USP34: variants seen among roughly 807,000 people sequenced by gnomAD.
USP34 encodes ubiquitin specific peptidase 34.
A neutral mutation model predicts 460.3 loss-of-function variants in USP34; 70 were observed. The ratio of observed to expected loss-of-function variants is 0.15; its 90% CI spans 0.13 to 0.19. The LOEUF is 0.19. Ranked by LOEUF, USP34 falls within the 10% of genes least tolerant of loss-of-function variation. The pLI is 1.00. For missense variants in USP34, 3,985 were observed against 4,236.2 expected (o/e 0.94, Z 1.65); for synonymous variants, 1,647 against 1,405.3 (o/e 1.17, Z -3.85).
At chr2:61,231,373 C>T (rs1215392481) in intron 58 of USP34, among the ~76,000 whole-genome samples, 3 of 151,920 alleles carry the variant, frequency 2.0e-5, no homozygotes, top group Non-Finnish European at 4.4e-5. Flanking sequence ...CTAAAAACCA[C>T]TAAATTTTAC....
rs372264590 is a variant in USP34, at chr2:61,283,199, A to G, written c.4944T>C (p.Ala1648=). The change falls in exon 37 of 80, where the codon GCT becomes GCC. Residue 1648 remains alanine, a synonymous_variant. Coordinates refer to ENST00000398571, the MANE Select transcript of USP34 (RefSeq NM_014709.4). ...HCCSLVKSSL[A]DSDHLQDWLK... is the part of the protein sequence containing the mutation. Reference sequence around the variant, plus strand: ...GCCAATCTTGTAAATGATCGCTATCAGCAAGGCTAGATTTCACTAAAGAAC... The same window carrying G: ...GCCAATCTTGTAAATGATCGCTATCGGCAAGGCTAGATTTCACTAAAGAAC... 5.2e-4 allele frequency: 836 copies of G among 1,613,734 alleles called. 10 individuals are homozygous for G. In the South Asian group the frequency reaches 8.2e-3, roughly 16 times the overall value.
chr2:61,374,988 C>T (rs1692747817), intron 8 of USP34, among the ~76,000 whole-genome samples: 1 of 152,142 alleles, frequency 6.6e-6, no homozygotes, highest in African/African-American at 2.4e-5. Flanking sequence ...CCACAGAATA[C>T]CCCATACGAC....
chr2:61,259,670 G>C, intron 44 of USP34, 41 bp downstream of exon 44: 1 of 1,585,988 alleles, frequency 6.3e-7, no homozygotes, highest in Non-Finnish European at 8.6e-7. Context: ...ACAGGCATGA[G>C]CCACAGTGCC....
rs1181707189 is a variant in USP34 at position 61,203,012 on chromosome 2, AT to A, written c.9508+127del. Reference sequence around the variant, plus strand: ...TGAAAATTAAAATGTTCCCAAGAATATTAATATTTTTAAGCATTCACTTTAA... The same window carrying A: ...TGAAAATTAAAATGTTCCCAAGAATATAATATTTTTAAGCATTCACTTTAA... On this transcript the variant is annotated intron_variant, in intron 75 of 79. Transcript: ENST00000398571. The A allele has an allele frequency of 9.9e-6, 10 of 1,009,208 alleles. No homozygotes were observed. The Admixed American group carries it at 1.5e-4, about 15-fold the overall frequency. The allele number at this position is 1,009,208 out of a possible 1,614,324, so 62.5% of individuals were successfully genotyped here. A position where few individuals can be genotyped will look rare whatever the true frequency, so the allele number is the denominator to read the frequency against.
intron 7 of USP34, 76 bp from the exon 8 acceptor site, chr2:61,378,500 G>C: frequency 1.1e-6 from 1 of 899,714 alleles, no homozygotes; most frequent in Non-Finnish European, 1.7e-6. Flanking sequence ...TACTAACATG[G>C]TAAACTGATT....
chr2:61,199,033 T>C (rs993063454), intron 75 of USP34, among the ~76,000 whole-genome samples: 1 of 152,248 alleles, frequency 6.6e-6, no homozygotes, highest in Admixed American at 6.5e-5. Context: ...GTTGGCTGTT[T>C]ATCTGTTAAG....
rs899889693 is a variant in USP34, at chr2:61,442,289, G to C, written c.44-21456C>G. The stretch of plus-strand genomic sequence containing the variant: ...AACTACAAAACTTCTGTATAGCAAA[G>C]GCAAAAATCAACAGAGTAAAAAAAG... On this transcript the variant is annotated intron_variant, in intron 1 of 79. Coordinates refer to ENST00000398571, the MANE Select transcript of USP34 (RefSeq NM_014709.4). Among the ~76,000 whole-genome samples, 4 of 151,484 alleles carry C rather than the reference G, an allele frequency of 2.6e-5. No individual in the cohort carries two copies. The South Asian group carries it at 6.2e-4, about 24-fold the overall frequency.
intron 54 of USP34, 44 bp downstream of exon 54, chr2:61,236,281 T>C: frequency 6.3e-7 from 1 of 1,593,300 alleles, no homozygotes; most frequent in Non-Finnish European, 8.5e-7. Flanking sequence ...GTAAGATTTT[T>C]TTAAAATGTG....
intron 41 of USP34, among the ~76,000 whole-genome samples, chr2:61,276,604 A>G (rs1689379959): frequency 6.6e-6 from 1 of 152,158 alleles, no homozygotes; most frequent in South Asian, 2.1e-4. Context: ...TTTTCTTAAC[A>G]ATGACTTTTG....
chr2:61,311,485 A>AGAAAGT, intron 27 of USP34, 55 bp downstream of exon 27: 3 of 1,426,642 alleles, frequency 2.1e-6, no homozygotes, highest in Non-Finnish European at 2.8e-6. Flanking sequence ...AAAGAGAAAG[A>AGAAAGT]GAAAAAGAAA....
chr2:61,226,882 T>C, intron 62 of USP34, 185 bp downstream of exon 62: 2 of 700,634 alleles, frequency 2.9e-6, no homozygotes, highest in East Asian at 3.4e-5. Flanking sequence ...CTGAAATTCT[T>C]ATGCCACAAG....
chr2:61,356,082 T>C (rs1692092850), intron 10 of USP34, among the ~76,000 whole-genome samples: 1 of 151,760 alleles, frequency 6.6e-6, no homozygotes, highest in Non-Finnish European at 1.5e-5. Flanking sequence ...AAGCAAGATC[T>C]CAAAGAGGTA....
At chr2:61,351,951 A>C (rs987978323) in intron 10 of USP34, among the ~76,000 whole-genome samples, 18 of 152,354 alleles carry the variant, frequency 1.2e-4, no homozygotes, top group Admixed American at 3.3e-4. Flanking sequence ...ATGTTAATTT[A>C]AATATAGTAT....
At chr2:61,284,562 T>C (rs1689632181) in intron 35 of USP34, among the ~76,000 whole-genome samples, 1 of 152,186 alleles carries the variant, frequency 6.6e-6, no homozygotes, top group Non-Finnish European at 1.5e-5. Flanking sequence ...AAAATTTTAC[T>C]CTAGCTATTA....
At chr2:61,252,527 T>A (rs1289372606) in intron 48 of USP34, among the ~76,000 whole-genome samples, 4 of 152,216 alleles carry the variant, frequency 2.6e-5, no homozygotes, top group African/African-American at 9.6e-5. Flanking sequence ...AAATGAATTT[T>A]AGGGAATAAT....
chr2:61,215,513 T>C (rs541171032), intron 67 of USP34, among the ~76,000 whole-genome samples: 28 of 152,220 alleles, frequency 1.8e-4, no homozygotes, highest in African/African-American at 2.9e-4. Context: ...TAGTGACTTA[T>C]TAGTTGCGCT....
At chr2:61,196,841 A>G (rs1235904841) in intron 75 of USP34, among the ~76,000 whole-genome samples, 1 of 152,188 alleles carries the variant, frequency 6.6e-6, no homozygotes, top group Non-Finnish European at 1.5e-5. Context: ...CTAAATATAA[A>G]GCAATCTCTA....
chr2:61,457,422 C>G (rs1426459074), intron 1 of USP34, among the ~76,000 whole-genome samples: 1 of 152,190 alleles, frequency 6.6e-6, no homozygotes, highest in Non-Finnish European at 1.5e-5. Context: ...TGAATATACA[C>G]CTAGACGGCC....
chr2:61,351,365 T>C (rs1489289389), intron 10 of USP34, among the ~76,000 whole-genome samples: 2 of 152,066 alleles, frequency 1.3e-5, no homozygotes, highest in African/African-American at 2.4e-5. Flanking sequence ...TAATAAACCA[T>C]GAGATACAAA....
Sources: gnomAD v4.1 joint callset for allele counts (sites outside exome capture counted in the v4.1 genomes callset) on GRCh38, gnomAD v4.1.1 for gene constraint, MANE v1.5 for transcripts, NCBI Gene and HGNC (gene_info 2026-07-23, HGNC 2026-07-21) for gene names.